Variants in RARB observed in about 807,000 individuals in gnomAD.
The protein encoded by RARB is retinoic acid receptor beta, also known as HBV-activated protein.
RARB carries 17 observed loss-of-function variants against 51.9 expected under a neutral mutation model. That is an observed-to-expected ratio of 0.33 (90% CI 0.22 to 0.49). RARB has a LOEUF of 0.49. RARB is among the 20% of genes least tolerant of loss of function. RARB has a pLI of 0.99. For missense variants in RARB, 369 were observed against 550.8 expected, an observed-to-expected ratio of 0.67 and a Z score of 3.30; for synonymous variants, 215 against 195.4, an observed-to-expected ratio of 1.10 and a Z score of -0.84.
intron 2 of RARB, among the ~76,000 whole-genome samples, chr3:24,918,459 T>C (rs1695150611): frequency 6.6e-6 from 1 of 152,160 alleles, no homozygotes; most frequent in Non-Finnish European, 1.5e-5. Flanking sequence ...CGGAGATATT[T>C]TAAAACTTGA....
At chr3:25,171,437 T>C (rs990576655) in intron 4 of RARB, among the ~76,000 whole-genome samples, 7 of 115,842 alleles carry the variant, frequency 6.0e-5, no homozygotes, top group Non-Finnish European at 8.7e-5. Flanking sequence ...TCTCGACACA[T>C]TGATTTTTTT....
chr3:24,926,771 T>C (rs1325633183), intron 2 of RARB, among the ~76,000 whole-genome samples: 2 of 152,108 alleles, frequency 1.3e-5, no homozygotes, highest in African/African-American at 4.8e-5. Context: ...GGGTACTATA[T>C]TCTAGGCTGC....
chr3:25,035,186 A>G (rs549752204), intron 2 of RARB, among the ~76,000 whole-genome samples: 1 of 152,148 alleles, frequency 6.6e-6, no homozygotes, highest in Non-Finnish European at 1.5e-5. Context: ...CAGTGACACC[A>G]TCTTGGCTCA....
At chr3:25,212,868 A>C (rs1701732234) in intron 5 of RARB, among the ~76,000 whole-genome samples, 1 of 152,270 alleles carries the variant, frequency 6.6e-6, no homozygotes, top group Non-Finnish European at 1.5e-5. Context: ...AAGTAAAGCT[A>C]TGTAGAGTAA....
chr3:24,868,028 A>G lies in RARB; in HGVS notation c.-380+9276A>G, dbSNP rs1042194405. Among the ~76,000 whole-genome samples the G allele has an allele frequency of 1.1e-4, 17 of 152,300 alleles. No individual in the cohort carries two copies. In the East Asian group the frequency reaches 3.1e-3, roughly 28 times the overall value. ...TCCTTACTAAGGAAAATGCAATTCC[A>G]TATCTCTGGACGGCTTGCAGAAAAA... On this transcript the variant is annotated intron_variant, in intron 2 of 11. Coordinates refer to the RARB transcript ENST00000383772.
intron 2 of RARB, among the ~76,000 whole-genome samples, chr3:25,029,356 A>G (rs1697822446): frequency 6.6e-6 from 1 of 152,234 alleles, no homozygotes; most frequent in African/African-American, 2.4e-5. Context: ...TCCTCTTCTT[A>G]GAAAGCAGGA....
At chr3:24,899,922 T>A (rs1049564266) in intron 2 of RARB, among the ~76,000 whole-genome samples, 1 of 100,738 alleles carries the variant, frequency 9.9e-6, no homozygotes, top group Non-Finnish European at 2.4e-5. Context: ...AAATTGGGAT[T>A]TCTTTTTTTT....
chr3:25,166,087 C>T (rs180865754), intron 4 of RARB, among the ~76,000 whole-genome samples: 2 of 152,096 alleles, frequency 1.3e-5, no homozygotes, highest in African/African-American at 4.8e-5. Context: ...ACTCCTTTGA[C>T]TGCATTATTT....
intron 3 of RARB, among the ~76,000 whole-genome samples, chr3:25,124,976 CTT>C (rs1050572859): frequency 6.6e-6 from 1 of 152,100 alleles, no homozygotes; most frequent in African/African-American, 2.4e-5. Flanking sequence ...TTACTAATGA[CTT>C]ATATAAAACT....
intron 2 of RARB, among the ~76,000 whole-genome samples, chr3:24,933,183 A>G (rs1247371137): frequency 6.6e-6 from 1 of 152,102 alleles, no homozygotes; most frequent in Non-Finnish European, 1.5e-5. Context: ...CAAATCCTAT[A>G]AAAACATTCT....
At chr3:25,498,773 A>G (rs78277435) in intron 2 of RARB, among the ~76,000 whole-genome samples, 8,314 of 152,282 alleles carry the variant, frequency 0.055, 285 homozygotes, top group Non-Finnish European at 0.081. Context: ...TATATAAAAG[A>G]CCATGTTTTC....
chr3:25,046,817 AAT>A (rs1165582104), intron 2 of RARB, among the ~76,000 whole-genome samples: 1 of 152,214 alleles, frequency 6.6e-6, no homozygotes, highest in African/African-American at 2.4e-5. Flanking sequence ...ACTAATAGTT[AAT>A]ATATGAGTAA....
intron 5 of RARB, among the ~76,000 whole-genome samples, chr3:25,185,024 A>G (rs1218704316): frequency 6.6e-6 from 1 of 152,226 alleles, no homozygotes; most frequent in Non-Finnish European, 1.5e-5. Context: ...TCCATTAATT[A>G]TGCATTCTAA....
chr3:25,569,662 T>G, intron 3 of RARB, 96 bp from the exon 4 acceptor site: 1 of 1,373,878 alleles, frequency 7.3e-7, no homozygotes, highest in Non-Finnish European at 9.9e-7. Context: ...AAATATCAAA[T>G]GAGCTTAAGG....
At chr3:25,041,849 A>G (rs181563751) in intron 2 of RARB, among the ~76,000 whole-genome samples, 1 of 152,204 alleles carries the variant, frequency 6.6e-6, no homozygotes, top group Middle Eastern at 3.2e-3. Context: ...TTATTAATTC[A>G]GAATTAATTA....
chr3:24,850,740 G>A (rs554860298), intron 1 of RARB, among the ~76,000 whole-genome samples: 26 of 152,306 alleles, frequency 1.7e-4, no homozygotes, highest in African/African-American at 5.5e-4. Flanking sequence ...ATAACCTAGC[G>A]CATAGGAATC....
chr3:25,163,132 T>G (rs1329152575), intron 4 of RARB, among the ~76,000 whole-genome samples: 8 of 152,210 alleles, frequency 5.3e-5, no homozygotes, highest in South Asian at 4.1e-4. Context: ...TGTCCTATTA[T>G]GTGTCAGGAT....
At chr3:25,165,298 G>A (rs1700542226) in intron 4 of RARB, among the ~76,000 whole-genome samples, 1 of 151,964 alleles carries the variant, frequency 6.6e-6, no homozygotes, top group Non-Finnish European at 1.5e-5. Context: ...GGTTTCTGTA[G>A]TCTCATGGCT....
intron 5 of RARB, among the ~76,000 whole-genome samples, chr3:25,213,542 T>C (rs1701748759): frequency 6.6e-6 from 1 of 152,238 alleles, no homozygotes; most frequent in Non-Finnish European, 1.5e-5. Context: ...ACATGTCTTT[T>C]GGTGACCACG....
Sources: allele counts gnomAD v4.1 joint callset (sites outside exome capture counted in the v4.1 genomes callset), GRCh38; gene constraint gnomAD v4.1.1; transcripts MANE v1.5; gene names NCBI Gene and HGNC (gene_info 2026-07-23, HGNC 2026-07-21).